SDK1: variants seen among roughly 807,000 people sequenced by gnomAD.
The protein encoded by SDK1 is protein sidekick-1.
In SDK1, 157 loss-of-function variants were observed where a neutral mutation model predicts 245.5. The ratio of observed to expected loss-of-function variants is 0.64; its 90% CI spans 0.56 to 0.73. The LOEUF (loss-of-function observed/expected upper bound fraction) is 0.73. Ranked by LOEUF, SDK1 falls within the 30% of genes least tolerant of loss-of-function variation. The probability of loss-of-function intolerance (pLI) is 0.00; values close to 1 mark genes in which losing one functional copy is unlikely to be tolerated. For missense variants in SDK1, 3,583 were observed against 3,002.3 expected (o/e 1.19, Z -4.52); for synonymous variants, 1,647 against 1,278.5 (o/e 1.29, Z -6.15).
At chr7:4,114,505 G>A (rs572714378) in intron 25 of SDK1, among the ~76,000 whole-genome samples, 2 of 152,270 alleles carry the variant, frequency 1.3e-5, no homozygotes, top group African/African-American at 4.8e-5. Context: ...ACAGGGGATC[G>A]ACTCACATTA....
intron 44 of SDK1, among the ~76,000 whole-genome samples, chr7:4,253,489 G>A (rs770752036): frequency 6.6e-6 from 1 of 152,110 alleles, no homozygotes; most frequent in Non-Finnish European, 1.5e-5. Flanking sequence ...TTTGGTCAGA[G>A]AAACCATAAT....
At chr7:3,574,123 CTT>C (rs762606484) in intron 1 of SDK1, among the ~76,000 whole-genome samples, 1 of 143,506 alleles carries the variant, frequency 7.0e-6, no homozygotes, top group Admixed American at 6.9e-5. Flanking sequence ...TTTTTTTTTT[CTT>C]TTTTTTTTTG....
chr7:4,087,643 C>G (rs935615797), intron 22 of SDK1, among the ~76,000 whole-genome samples: 2 of 152,228 alleles, frequency 1.3e-5, no homozygotes, highest in Admixed American at 1.3e-4. Context: ...AAGCACTGGG[C>G]TCTCTAATCC....
intron 2 of SDK1, among the ~76,000 whole-genome samples, chr7:3,638,274 C>G (rs1250696209): frequency 6.6e-6 from 1 of 152,046 alleles, no homozygotes; most frequent in African/African-American, 2.4e-5. Flanking sequence ...CCCAGCCATC[C>G]CATTACTGGG....
intron 5 of SDK1, among the ~76,000 whole-genome samples, chr7:3,926,634 C>T (rs1779780025): frequency 6.6e-6 from 1 of 152,226 alleles, no homozygotes; most frequent in Middle Eastern, 3.4e-3. Context: ...CCACCTTGGC[C>T]TTCTACAGTG....
chr7:3,386,177 A>G (rs539478730), intron 1 of SDK1, among the ~76,000 whole-genome samples: 5 of 152,330 alleles, frequency 3.3e-5, no homozygotes, highest in South Asian at 4.1e-4. Flanking sequence ...TGTTTTATGT[A>G]TTAGCATCCA....
intron 30 of SDK1, among the ~76,000 whole-genome samples, chr7:4,156,446 G>T (rs1020786947): frequency 6.6e-6 from 1 of 152,226 alleles, no homozygotes; most frequent in Non-Finnish European, 1.5e-5. Context: ...GCTGTCTCCT[G>T]TGGCTGTTTT....
intron 1 of SDK1, among the ~76,000 whole-genome samples, chr7:3,470,445 T>C (rs558843139): frequency 3.7e-4 from 56 of 152,300 alleles, no homozygotes; most frequent in Non-Finnish European, 7.2e-4. Flanking sequence ...ATTTAATTTT[T>C]GATACACTAT....
chr7:3,326,794 C>T (rs1327523639), intron 1 of SDK1, among the ~76,000 whole-genome samples: 2 of 152,106 alleles, frequency 1.3e-5, no homozygotes, highest in East Asian at 1.9e-4. Context: ...CTACATCCCA[C>T]CTGTTTTCCT....
chr7:3,377,126 G>T (rs1018700306), intron 1 of SDK1, among the ~76,000 whole-genome samples: 1 of 152,082 alleles, frequency 6.6e-6, no homozygotes, highest in African/African-American at 2.4e-5. Flanking sequence ...ATTCTGTTCT[G>T]TAGTGGGTGT....
intron 1 of SDK1, among the ~76,000 whole-genome samples, chr7:3,427,482 G>A (rs1480355462): frequency 6.7e-6 from 1 of 149,374 alleles, no homozygotes; most frequent in Non-Finnish European, 1.5e-5. Context: ...TTGTGCCATT[G>A]GACTGCAGCC....
At chr7:3,978,497 G>A (rs1389156234) in intron 13 of SDK1, among the ~76,000 whole-genome samples, 1 of 152,172 alleles carries the variant, frequency 6.6e-6, no homozygotes, top group Admixed American at 6.5e-5. Flanking sequence ...ACTGGTTACA[G>A]AACTGATTTG....
At chr7:3,422,672 T>G (rs529663592) in intron 1 of SDK1, among the ~76,000 whole-genome samples, 4 of 152,220 alleles carry the variant, frequency 2.6e-5, no homozygotes, top group African/African-American at 9.6e-5. Flanking sequence ...AGCTCTGAGT[T>G]TATATGCATA....
intron 4 of SDK1, among the ~76,000 whole-genome samples, chr7:3,753,219 G>A (rs1488959554): frequency 2.0e-5 from 3 of 152,026 alleles, no homozygotes; most frequent in African/African-American, 7.3e-5. Context: ...CTGAATGTAT[G>A]GAAATAAAAA....
At chr7:3,470,569 A>G (rs1002173994) in intron 1 of SDK1, among the ~76,000 whole-genome samples, 1 of 152,156 alleles carries the variant, frequency 6.6e-6, no homozygotes, top group African/African-American at 2.4e-5. Context: ...AACCTTGGGG[A>G]GAGAGGTTAA....
chr7:4,012,159 A>G lies in SDK1; in HGVS notation c.2344A>G (p.Asn782Asp), dbSNP rs1468289784. 2 of 1,580,134 alleles carry G rather than the reference A, an allele frequency of 1.3e-6. No individual in the cohort carries two copies. Among genetic ancestry groups the G allele is most frequent in the African/African-American group, 1.4e-5 (1 of 73,190 alleles). The change falls in exon 16 of 45, where the codon AAT becomes GAT. Residue 782 changes from asparagine to aspartate, a missense_variant. Transcript: ENST00000404826. ...AAATATAGTGGCCAGTGGGCGGACT[A>G]ATCAGTCCATTATGGTCCAGTGGCA... ...PKNIVASGRT[N>D]QSIMVQWQPP...
intron 5 of SDK1, among the ~76,000 whole-genome samples, chr7:3,822,005 A>C (rs1779659002): frequency 6.6e-6 from 1 of 152,174 alleles, no homozygotes; most frequent in Non-Finnish European, 1.5e-5. Flanking sequence ...GTTGTACGAA[A>C]ATTAGCAGTA....
chr7:3,768,740 A>G (rs749181597), intron 4 of SDK1, among the ~76,000 whole-genome samples: 15 of 152,218 alleles, frequency 9.9e-5, no homozygotes, highest in Non-Finnish European at 1.6e-4. Context: ...GAAATTGACC[A>G]GAAATAGTCA....
chr7:4,237,584 C>A, intron 41 of SDK1, 63 bp from the exon 42 acceptor site: 2 of 1,596,636 alleles, frequency 1.3e-6, no homozygotes, highest in Non-Finnish European at 1.7e-6. Flanking sequence ...ACCTGACTCG[C>A]GGGAGGTGAC....
Sources: allele counts gnomAD v4.1 joint callset (sites outside exome capture counted in the v4.1 genomes callset), GRCh38; gene constraint gnomAD v4.1.1; transcripts MANE v1.5; gene names NCBI Gene and HGNC (gene_info 2026-07-23, HGNC 2026-07-21).